The following BRAF variants were observed in gnomAD, a reference collection of about 807,000 sequenced individuals.
BRAF encodes B-Raf proto-oncogene, serine/threonine kinase, also known as serine/threonine-protein kinase B-raf.
Under a neutral mutation model 104.6 loss-of-function variants are expected in BRAF, and 16 were observed. The observed-to-expected ratio is 0.15, with a 90% confidence interval of 0.10 to 0.23. BRAF has a LOEUF of 0.23. BRAF is among the 10% of genes least tolerant of loss of function. The pLI, the probability that BRAF is intolerant of heterozygous loss-of-function variation, is 1.00. For missense variants in BRAF, 541 were observed against 937.3 expected, an observed-to-expected ratio of 0.58 and a Z score of 5.52; for synonymous variants, 310 against 341.6, an observed-to-expected ratio of 0.91 and a Z score of 1.02.
Position 140,722,542 on chromosome 7 carries a change from C to A in BRAF, c.*3952G>T, listed in dbSNP as rs943324167. The A allele has an allele frequency of 8.5e-6, 9 of 1,057,120 alleles. No homozygotes were observed. The highest frequency in any genetic ancestry group is 9.2e-6 in the Non-Finnish European group (8 of 874,206). The allele number at this position is 1,057,120 out of a possible 1,614,324, so 65.5% of individuals were successfully genotyped here. A position where few individuals can be genotyped will look rare whatever the true frequency, so the allele number is the denominator to read the frequency against. On this transcript the variant is annotated 3_prime_UTR_variant, in exon 20 of 20. Coordinates refer to ENST00000644969, the MANE Select transcript of BRAF (RefSeq NM_001374258.1). ...CTGTTCATACTCACAGTAAACCTTC[C>A]ATCTCTGGCTATGGTGTTTATAGCC... is the stretch of plus-strand genomic sequence containing the variant.
chr7:140,794,498 T>C, intron 7 of BRAF, 31 bp from the exon 8 acceptor site: 1 of 1,606,760 alleles, frequency 6.2e-7, no homozygotes, highest in East Asian at 2.2e-5. Context: ...GAAGATAAGA[T>C]TCAGAGTAAC....
intron 3 of BRAF, among the ~76,000 whole-genome samples, chr7:140,833,168 G>A (rs1289349969): frequency 6.6e-6 from 1 of 152,126 alleles, no homozygotes; most frequent in Non-Finnish European, 1.5e-5. Flanking sequence ...ACAGGCACGA[G>A]CCACTGTGCC....
chr7:140,753,986 T>C, intron 15 of BRAF: 1 of 603,466 alleles, frequency 1.7e-6, no homozygotes, highest in Non-Finnish European at 2.9e-6. Context: ...ATAGATTTTC[T>C]TGTAATGTTC....
intron 18 of BRAF, among the ~76,000 whole-genome samples, chr7:140,736,432 C>G (rs1562932268): frequency 7.5e-6 from 1 of 132,654 alleles, no homozygotes; most frequent in East Asian, 2.3e-4. Flanking sequence ...CTGAACACCA[C>G]TTTTTTTTTT....
rs1252803784 is a variant in BRAF, at chr7:140,818,347, CT to C, written c.505-9353del. 3.4e-5 allele frequency among the ~76,000 whole-genome samples: 5 copies of C among 146,714 alleles called. No individual in the cohort carries two copies. In the East Asian group the frequency reaches 9.9e-4, roughly 29 times the overall value. ...TTTTTTTTTGAGATGGAGTCTTGCT[CT>C]GTTGCCCAGCCTGGAGTGCAGTGGC... On this transcript the variant is annotated intron_variant, in intron 3 of 19. Coordinates refer to ENST00000644969, the MANE Select transcript of BRAF (RefSeq NM_001374258.1).
chr7:140,723,213 C>T lies in BRAF; in HGVS notation c.*3281G>A, dbSNP rs1299325708. ...TCTGAGGAGGATGTGCAGCAGCTCG[C>T]ACTCCGCCTGGTGAATACAAGGTAA... On this transcript the variant is annotated 3_prime_UTR_variant, in exon 20 of 20. Transcript: ENST00000644969. 9.5e-7 allele frequency: 1 copy of T among 1,054,222 alleles called. No homozygotes were observed. 65.3% of individuals were successfully genotyped at this position (1,054,222 alleles called of 1,614,324 possible). A position where few individuals can be genotyped will look rare whatever the true frequency, so the allele number is the denominator to read the frequency against.
chr7:140,751,508 T>C (rs1797786375), intron 16 of BRAF, among the ~76,000 whole-genome samples: 1 of 152,070 alleles, frequency 6.6e-6, no homozygotes, highest in African/African-American at 2.4e-5. Flanking sequence ...GTTAAACATA[T>C]GTTAAATAAT....
At chr7:140,853,797 C>T (rs1285914632) in intron 1 of BRAF, among the ~76,000 whole-genome samples, 1 of 152,092 alleles carries the variant, frequency 6.6e-6, no homozygotes, top group African/African-American at 2.4e-5. Context: ...GCATATGTGA[C>T]CACCTTACTA....
intron 3 of BRAF, 69 bp downstream of exon 3, chr7:140,834,540 A>C: frequency 6.3e-7 from 1 of 1,581,432 alleles, no homozygotes. Context: ...TAATATATTA[A>C]TTTTCAACAA....
chr7:140,909,200 C>A (rs1283066745), intron 1 of BRAF, among the ~76,000 whole-genome samples: 1 of 151,926 alleles, frequency 6.6e-6, no homozygotes, highest in Non-Finnish European at 1.5e-5. Flanking sequence ...CCGAGGCGGG[C>A]AGATCACCTG....
Position 140,725,512 on chromosome 7 carries a change from C to T in BRAF, c.*982G>A, listed in dbSNP as rs535898191. On this transcript the variant is annotated 3_prime_UTR_variant, in exon 20 of 20. Coordinates refer to ENST00000644969, the MANE Select transcript of BRAF (RefSeq NM_001374258.1). ...GAAACTCAGAAATTAAAACCTGTAC[C>T]TTATATTTAAATTATCTAAATTTCT... The T allele has an allele frequency of 3.0e-4, 299 of 983,678 alleles. No homozygotes were observed. The African/African-American group carries it at 4.7e-3, about 16-fold the overall frequency. 60.9% of individuals were successfully genotyped at this position (983,678 alleles called of 1,614,324 possible).
chr7:140,765,768 T>C (rs948901428), intron 14 of BRAF, among the ~76,000 whole-genome samples: 7 of 151,958 alleles, frequency 4.6e-5, no homozygotes, highest in Admixed American at 3.3e-4. Context: ...TCACACCAAT[T>C]AGAATGGCAA....
At chr7:140,862,011 A>T (rs975249189) in intron 1 of BRAF, among the ~76,000 whole-genome samples, 1 of 152,206 alleles carries the variant, frequency 6.6e-6, no homozygotes, top group African/African-American at 2.4e-5. Flanking sequence ...TGCACCCTGG[A>T]GGAAAGCCAG....
At chr7:140,764,025 G>C (rs539662657) in intron 14 of BRAF, among the ~76,000 whole-genome samples, 1 of 152,290 alleles carries the variant, frequency 6.6e-6, no homozygotes, top group East Asian at 1.9e-4. Flanking sequence ...TATCCTTGAT[G>C]AACATTGATG....
chr7:140,763,386 C>A (rs1007392714), intron 14 of BRAF, among the ~76,000 whole-genome samples: 1 of 150,252 alleles, frequency 6.7e-6, no homozygotes, highest in African/African-American at 2.5e-5. Context: ...GGCAGAGGGG[C>A]TCCTCACTTC....
rs1270722481 is a variant in BRAF, at chr7:140,734,627, T to C, written c.2391A>G (p.Ala797=). ...ACASPKTPIQ[A]GGYGEFAAFK ...GGACAGGAAACGCACCATATCCCCC[T>C]GCCTGGATGGGTGTTTTTGGAGAAG... Residue 797 remains alanine, a synonymous_variant, in exon 19 of 20, where the codon GCA becomes GCG. Transcript: ENST00000644969. 1.2e-6 allele frequency: 2 copies of C among 1,613,792 alleles called. No homozygotes were observed. Among genetic ancestry groups the C allele is most frequent in the East Asian group, 4.5e-5 (2 of 44,866 alleles).
In BRAF at chr7:140,719,396, T is replaced by G. The variant is rs1024362545; in HGVS notation, c.*7098A>C. On this transcript the variant is annotated 3_prime_UTR_variant, in exon 20 of 20. Coordinates refer to ENST00000644969, the MANE Select transcript of BRAF (RefSeq NM_001374258.1). ...CATATTCACATCAAGTACATAGAAC[T>G]TTTTTTGCCTTTTATATAATACAGT... 3 of 1,006,006 alleles carry G rather than the reference T, an allele frequency of 3.0e-6. No homozygotes were observed. Among genetic ancestry groups the G allele is most frequent in the African/African-American group, 3.4e-5 (2 of 58,454 alleles). 62.3% of individuals were successfully genotyped at this position (1,006,006 alleles called of 1,614,324 possible).
chr7:140,914,550 T>C (rs1203334898), intron 1 of BRAF, among the ~76,000 whole-genome samples: 2 of 152,192 alleles, frequency 1.3e-5, no homozygotes, highest in African/African-American at 4.8e-5. Flanking sequence ...CATGGAAGTA[T>C]ATATTAATGT....
At chr7:140,780,596 T>C (rs376400186) in intron 12 of BRAF, 4 of 152,208 alleles carry the variant, frequency 2.6e-5, no homozygotes, top group Non-Finnish European at 4.4e-5. Context: ...CTCCATAATA[T>C]GGTATCTTAC....
Sources: allele counts gnomAD v4.1 joint callset (sites outside exome capture counted in the v4.1 genomes callset), GRCh38; gene constraint gnomAD v4.1.1; transcripts MANE v1.5; gene names NCBI Gene and HGNC (gene_info 2026-07-23, HGNC 2026-07-21).